The following GLI2 variants were observed in gnomAD, a reference collection of about 807,000 sequenced individuals.
GLI2 encodes GLI family zinc finger 2.
In GLI2, 22 loss-of-function variants were observed where a neutral mutation model predicts 78.9. That is an observed-to-expected ratio of 0.28 (90% CI 0.20 to 0.40). The LOEUF (loss-of-function observed/expected upper bound fraction) is 0.40, where lower values mean the gene tolerates loss of function less well. Ranked by LOEUF, GLI2 falls within the 10% of genes least tolerant of loss-of-function variation. The pLI is 1.00. For missense variants in GLI2, 2,097 were observed against 2,213.2 expected, an observed-to-expected ratio of 0.95 and a Z score of 1.05; for synonymous variants, 974 against 963.7, an observed-to-expected ratio of 1.01 and a Z score of -0.20.
intron 1 of GLI2, among the ~76,000 whole-genome samples, chr2:120,738,515 A>T (rs2104617341): frequency 6.6e-6 from 1 of 152,264 alleles, no homozygotes; most frequent in Non-Finnish European, 1.5e-5. Flanking sequence ...TCGTGATTTT[A>T]GGGGATTTAA....
At chr2:120,887,751 G>T (rs180979608) in intron 2 of GLI2, among the ~76,000 whole-genome samples, 9 of 152,322 alleles carry the variant, frequency 5.9e-5, no homozygotes, top group Admixed American at 1.3e-4. Flanking sequence ...AGGGTCGGGG[G>T]TCTCCTCCTT....
chr2:120,851,479 T>A (rs1410803921), intron 2 of GLI2, among the ~76,000 whole-genome samples: 2 of 152,230 alleles, frequency 1.3e-5, no homozygotes, highest in African/African-American at 4.8e-5. Flanking sequence ...TTGTCTGACA[T>A]GCAGCATGAC....
chr2:120,755,833 A>G (rs538332284), intron 1 of GLI2, among the ~76,000 whole-genome samples: 1 of 152,276 alleles, frequency 6.6e-6, no homozygotes, highest in African/African-American at 2.4e-5. Context: ...TGAAAAGATT[A>G]TTCTGTCCGC....
At chr2:120,804,417 C>A (rs1160704831) in intron 2 of GLI2, among the ~76,000 whole-genome samples, 2 of 152,190 alleles carry the variant, frequency 1.3e-5, no homozygotes, top group African/African-American at 4.8e-5. Flanking sequence ...CAGAGGTGTT[C>A]CCGGTGGGCT....
intron 3 of GLI2, among the ~76,000 whole-genome samples, chr2:120,939,382 C>T (rs530655030): frequency 3.9e-5 from 6 of 152,300 alleles, no homozygotes; most frequent in African/African-American, 1.4e-4. Context: ...GACATGCCAG[C>T]ACCTTTGAGG....
At chr2:120,897,287 C>T (rs1379560422) in intron 2 of GLI2, among the ~76,000 whole-genome samples, 1 of 152,230 alleles carries the variant, frequency 6.6e-6, no homozygotes, top group African/African-American at 2.4e-5. Context: ...AGCATGGGCC[C>T]CTGCTCCCTG....
At chr2:120,932,097 G>A (rs527767595) in intron 3 of GLI2, among the ~76,000 whole-genome samples, 9 of 152,318 alleles carry the variant, frequency 5.9e-5, no homozygotes, top group East Asian at 5.8e-4. Context: ...AAATGGCCCC[G>A]TGGCTCTGGC....
chr2:120,856,874 C>T (rs1687669246), intron 2 of GLI2, among the ~76,000 whole-genome samples: 1 of 93,588 alleles, frequency 1.1e-5, no homozygotes, highest in South Asian at 2.8e-4. Context: ...GTGCCTGGCT[C>T]ACTTCAGGCC....
chr2:120,895,990 T>G (rs761098645), intron 2 of GLI2, among the ~76,000 whole-genome samples: 1 of 152,184 alleles, frequency 6.6e-6, no homozygotes, highest in Non-Finnish European at 1.5e-5. Context: ...CCCTCCCATT[T>G]TATGGGTGAG....
At chr2:120,968,606 G>A (rs990006056) in intron 5 of GLI2, 108 bp from the exon 6 acceptor site, 1 of 866,024 alleles carries the variant, frequency 1.2e-6, no homozygotes, top group Non-Finnish European at 2.0e-6. Flanking sequence ...GGCAAAGCTA[G>A]GATTCCCATT....
chr2:120,925,802 G>T (rs534325349), intron 2 of GLI2, among the ~76,000 whole-genome samples: 2 of 152,326 alleles, frequency 1.3e-5, no homozygotes, highest in South Asian at 4.1e-4. Context: ...GCCGGGCGTG[G>T]TGGCTCACGC....
At chr2:120,790,009 C>G (rs1292098471) in intron 1 of GLI2, among the ~76,000 whole-genome samples, 6 of 152,204 alleles carry the variant, frequency 3.9e-5, no homozygotes, top group Admixed American at 3.9e-4. Flanking sequence ...CATGGGGCTC[C>G]CGGTGCAGCG....
intron 2 of GLI2, among the ~76,000 whole-genome samples, chr2:120,907,595 C>T (rs767926957): frequency 1.6e-4 from 25 of 152,216 alleles, no homozygotes; most frequent in Non-Finnish European, 2.5e-4. Context: ...GCATCTTCCT[C>T]GCCAGCCAGT....
chr2:120,984,550 T>G lies in GLI2; in HGVS notation c.1712T>G (p.Val571Gly). Residue 571 changes from valine to glycine, a missense_variant, in exon 12 of 14, where the codon GTC becomes GGC. By Grantham distance (109) the Val-to-Gly change is moderately radical (BLOSUM62 -3). Coordinates refer to ENST00000361492, the MANE Select transcript of GLI2 (RefSeq NM_001374353.1). The stretch of plus-strand genomic sequence containing the variant: ...TCTCTCCGGAAGCATGTGAAAACGG[T>G]CCACGGCCCAGATGCCCACGTCACC... ...PSSLRKHVKT[V>G]HGPDAHVTKK... 6.2e-7 allele frequency: 1 copy of G among 1,614,042 alleles called. No individual in the cohort carries two copies. The highest frequency in any genetic ancestry group is 8.5e-7 in the Non-Finnish European group (1 of 1,179,994).
chr2:120,814,927 G>A (rs1336381863), intron 2 of GLI2, among the ~76,000 whole-genome samples: 1 of 152,104 alleles, frequency 6.6e-6, no homozygotes. Context: ...AAATGGGCGT[G>A]ATGGTCCTGG....
chr2:120,944,337 G>C (rs933022175), intron 3 of GLI2, among the ~76,000 whole-genome samples: 4 of 152,186 alleles, frequency 2.6e-5, no homozygotes, highest in African/African-American at 9.7e-5. Context: ...TAAGTGCCTG[G>C]TGCTACACTG....
chr2:120,854,480 C>G (rs1687553981), intron 2 of GLI2, among the ~76,000 whole-genome samples: 2 of 152,320 alleles, frequency 1.3e-5, no homozygotes, highest in Non-Finnish European at 2.9e-5. Flanking sequence ...AGTGTGTGAG[C>G]AGTCCCCTCC....
intron 2 of GLI2, among the ~76,000 whole-genome samples, chr2:120,862,614 G>T (rs1687953252): frequency 1.3e-5 from 2 of 152,222 alleles, no homozygotes; most frequent in Non-Finnish European, 2.9e-5. Flanking sequence ...AGGTGGGCCG[G>T]TGAGGGTGCT....
At position 120,971,848 on chromosome 2, in the gene GLI2, G is replaced by A. The variant is rs1020374193; in HGVS notation, c.1060-93G>A. On this transcript the variant is annotated intron_variant, in intron 7 of 13. Transcript: ENST00000361492. ...AACACAGGGTTAGCCCAGATGGTCTGTGCGGAGAGATCCTAGAGTTAAAGT... is the reference window on the plus strand; with the variant it reads ...AACACAGGGTTAGCCCAGATGGTCTATGCGGAGAGATCCTAGAGTTAAAGT... 22 of 1,063,086 alleles carry A rather than the reference G, an allele frequency of 2.1e-5. No individual in the cohort carries two copies. In the African/African-American group the frequency reaches 2.3e-4, roughly 11 times the overall value. 65.9% of individuals were successfully genotyped at this position (1,063,086 alleles called of 1,614,324 possible).
Sources: allele counts gnomAD v4.1 joint callset (sites outside exome capture counted in the v4.1 genomes callset), GRCh38; gene constraint gnomAD v4.1.1; transcripts MANE v1.5; gene names NCBI Gene and HGNC (gene_info 2026-07-23, HGNC 2026-07-21).